The following FAM135B variants were observed in gnomAD, a reference collection of about 807,000 sequenced individuals.
The protein encoded by FAM135B is protein FAM135B.
Under a neutral mutation model 127.7 loss-of-function variants are expected in FAM135B, and 43 were observed. That is an observed-to-expected ratio of 0.34 (90% CI 0.26 to 0.43). The LOEUF is 0.43. FAM135B is among the 20% of genes least tolerant of loss of function. The pLI is 1.00. For missense variants in FAM135B, 1,558 were observed against 1,725.6 expected, an observed-to-expected ratio of 0.90 and a Z score of 1.72; for synonymous variants, 670 against 665.1, an observed-to-expected ratio of 1.01 and a Z score of -0.11.
Position 138,326,459 on chromosome 8 carries a change from G to A in FAM135B, c.78-15539C>T, listed in dbSNP as rs192093410. Among the ~76,000 whole-genome samples the A allele has an allele frequency of 1.1e-4, 16 of 152,210 alleles. No individual in the cohort carries two copies. In the East Asian group the frequency reaches 2.7e-3, roughly 26 times the overall value. ...GCTTGGTTAAAGCAGGCCTTCAAGC[G>A]ACTTGCACAGCTTGAAATGTCACGA... On this transcript the variant is annotated intron_variant, in intron 2 of 19. Coordinates refer to ENST00000395297, the MANE Select transcript of FAM135B (RefSeq NM_015912.4).
chr8:138,350,268 C>G (rs1829686253), intron 2 of FAM135B, among the ~76,000 whole-genome samples: 1 of 152,162 alleles, frequency 6.6e-6, no homozygotes, highest in African/African-American at 2.4e-5. Context: ...AACATACTAT[C>G]CCGTTCTTTC....
chr8:138,139,938 T>TG (rs552724798), intron 17 of FAM135B, among the ~76,000 whole-genome samples: 51 of 152,350 alleles, frequency 3.3e-4, no homozygotes, highest in Middle Eastern at 3.4e-3. Context: ...GCTACGTCAA[T>TG]GTGTGTGCAC....
intron 5 of FAM135B, among the ~76,000 whole-genome samples, chr8:138,252,453 T>C (rs1031035675): frequency 2.6e-5 from 4 of 152,184 alleles, no homozygotes; most frequent in Non-Finnish European, 2.9e-5. Flanking sequence ...CCCTAGGGCT[T>C]GAACAACAGG....
Position 138,151,846 on chromosome 8 carries a change from C to CTTTGGT in FAM135B, c.2623_2628dup (p.Thr875_Lys876dup). On this transcript the variant is annotated inframe_insertion, in exon 13 of 20. Coordinates refer to ENST00000395297, the MANE Select transcript of FAM135B (RefSeq NM_015912.4). ...ACGCGTGGTATTTTTAAATTAAGAC[C>CTTTGGT]TTTGGTTTCAACACCTGGAGTGTTC... 2 of 1,614,140 alleles carry CTTTGGT rather than the reference C, an allele frequency of 1.2e-6. No homozygotes were observed. Among genetic ancestry groups the CTTTGGT allele is most frequent in the Non-Finnish European group, 1.7e-6 (2 of 1,180,030 alleles).
chr8:138,410,443 G>T (rs12548423), intron 1 of FAM135B, among the ~76,000 whole-genome samples: 5,835 of 152,266 alleles, frequency 0.038, 154 homozygotes, highest in Non-Finnish European at 0.054. Context: ...TGGAACTGGC[G>T]ATATAGCCAA....
At chr8:138,467,194 T>G (rs1208532961) in intron 1 of FAM135B, among the ~76,000 whole-genome samples, 1 of 152,188 alleles carries the variant, frequency 6.6e-6, no homozygotes, top group South Asian at 2.1e-4. Context: ...ATTCACTGCA[T>G]GCTATCTTAT....
At chr8:138,255,295 G>C (rs1821992132) in intron 5 of FAM135B, among the ~76,000 whole-genome samples, 1 of 152,188 alleles carries the variant, frequency 6.6e-6, no homozygotes, top group Non-Finnish European at 1.5e-5. Flanking sequence ...AACATTTGTT[G>C]GAGAGGTTAC....
At chr8:138,259,806 C>CA (rs1054307324) in intron 4 of FAM135B, among the ~76,000 whole-genome samples, 15 of 152,114 alleles carry the variant, frequency 9.9e-5, no homozygotes, top group African/African-American at 3.4e-4. Context: ...GTATTCCAGA[C>CA]AAAAAAATCA....
chr8:138,141,344 A>G lies in FAM135B; in HGVS notation c.3644T>C (p.Ile1215Thr). The stretch of plus-strand genomic sequence containing the variant: ...GATGATGTTGCCAAGAGAATGGCCA[A>G]TGAAGCTGTGGAGAAACAGAAGGGG... ...YNLSISRISF[I>T]GHSLGNIIIR... Residue 1215 changes from isoleucine to threonine, a missense_variant, in exon 17 of 20, where the codon ATT becomes ACT. Around this residue, in one of 5 missense-constraint regions of FAM135B, gnomAD observed 194 missense variants for 333.8 expected, o/e 0.58. Transcript: ENST00000395297. This position sits in a 1 kb window ranked among gnomAD's most constrained non-coding sequence, Gnocchi z 4.7. 6.2e-7 allele frequency: 1 copy of G among 1,614,120 alleles called. No homozygotes were observed. Among genetic ancestry groups the G allele is most frequent in the Non-Finnish European group, 8.5e-7 (1 of 1,179,998 alleles).
chr8:138,293,427 T>A (rs920608871), intron 3 of FAM135B, among the ~76,000 whole-genome samples: 1 of 152,168 alleles, frequency 6.6e-6, no homozygotes, highest in African/African-American at 2.4e-5. Context: ...AAAAAGCTTC[T>A]GTACAACAAA....
chr8:138,293,751 T>C (rs1042684756), intron 3 of FAM135B, among the ~76,000 whole-genome samples: 3 of 152,126 alleles, frequency 2.0e-5, no homozygotes, highest in Admixed American at 6.6e-5. Flanking sequence ...AAACAGTAGA[T>C]GTTGGCATGG....
At chr8:138,225,468 A>G (rs978737698) in intron 7 of FAM135B, among the ~76,000 whole-genome samples, 1 of 147,864 alleles carries the variant, frequency 6.8e-6, no homozygotes, top group African/African-American at 2.5e-5. Flanking sequence ...AAAAAAAACA[A>G]AAAAACAAAA....
chr8:138,390,055 T>C (rs1394377327), intron 1 of FAM135B, among the ~76,000 whole-genome samples: 3 of 152,232 alleles, frequency 2.0e-5, no homozygotes, highest in African/African-American at 7.2e-5. Context: ...CTTGTTTATC[T>C]TGTTCACCAT....
intron 1 of FAM135B, among the ~76,000 whole-genome samples, chr8:138,452,183 G>T (rs1044114175): frequency 3.6e-5 from 5 of 138,830 alleles, no homozygotes; most frequent in African/African-American, 1.4e-4. Flanking sequence ...AGGCTGGAGT[G>T]CAGTGGCATG....
intron 2 of FAM135B, among the ~76,000 whole-genome samples, chr8:138,362,283 CTTT>C (rs34005300): frequency 0.016 from 1,581 of 99,122 alleles, 30 homozygotes; most frequent in African/African-American, 0.056. Context: ...ACCCCCATAT[CTTT>C]TTTTTTTTTT....
rs539573727 is a variant in FAM135B, at chr8:138,489,804, A to T, written c.-20+6867T>A. On this transcript the variant is annotated intron_variant, in intron 1 of 19. Transcript: ENST00000395297. Reference sequence around the variant, plus strand: ...CTCCACCCTGGCTTTCTTCCATGTGAAACAGCTCCCCCGACTCCTTATCCC... The same window carrying T: ...CTCCACCCTGGCTTTCTTCCATGTGTAACAGCTCCCCCGACTCCTTATCCC... Among the ~76,000 whole-genome samples, 30 of 152,244 alleles carry T rather than the reference A, an allele frequency of 2.0e-4. No individual in the cohort carries two copies. The South Asian group carries it at 6.0e-3, about 30-fold the overall frequency.
At chr8:138,251,092 C>T (rs1821668582) in intron 5 of FAM135B, 78 bp from the exon 6 acceptor site, 3 of 1,529,368 alleles carry the variant, frequency 2.0e-6, no homozygotes, top group Non-Finnish European at 8.9e-7. Context: ...TGTATTAAGC[C>T]TCTCCATGGG....
intron 12 of FAM135B, among the ~76,000 whole-genome samples, chr8:138,157,443 C>T (rs1338237685): frequency 6.6e-6 from 1 of 152,078 alleles, no homozygotes; most frequent in Non-Finnish European, 1.5e-5. Context: ...GAAGTTCTGG[C>T]CAAGGCAATC....
chr8:138,341,413 A>C (rs539873065), intron 2 of FAM135B, among the ~76,000 whole-genome samples: 1 of 152,334 alleles, frequency 6.6e-6, no homozygotes, highest in Non-Finnish European at 1.5e-5. Flanking sequence ...GCAGGGAGAA[A>C]GGCAGGAACT....
Sources: gnomAD v4.1 joint callset for allele counts (sites outside exome capture counted in the v4.1 genomes callset) on GRCh38, gnomAD v4.1.1 for gene constraint, gnomAD v4.1.1 regional missense constraint, Gnocchi (gnomAD v3.1) non-coding constraint, MANE v1.5 for transcripts, NCBI Gene and HGNC (gene_info 2026-07-23, HGNC 2026-07-21) for gene names.